ABCC3: variants seen among roughly 807,000 people sequenced by gnomAD.
ABCC3 encodes ATP-binding cassette sub-family C member 3.
In ABCC3, 121 loss-of-function variants were observed where a neutral mutation model predicts 165.3. The observed-to-expected ratio is 0.73, with a 90% CI of 0.63 to 0.85. ABCC3 has a LOEUF of 0.85. ABCC3 is among the 40% of genes least tolerant of loss of function. The probability of loss-of-function intolerance (pLI) is 0.00; values close to 1 mark genes in which losing one functional copy is unlikely to be tolerated. For synonymous variants in ABCC3, 733 were observed against 810.1 expected (o/e 0.90, Z 1.62); for missense variants, 1,869 against 1,964.1 (o/e 0.95, Z 0.92).
Position 50,660,939 on chromosome 17 carries a change from G to A in ABCC3, c.823G>A (p.Ala275Thr), listed in dbSNP as rs1967364267. ...KQTARHKASA[A>T]PGKNASGEDE... The stretch of plus-strand genomic sequence containing the variant: ...CTGGACCAGACACAAGGCTTCAGCA[G>A]CACCTGGGAAAAATGCCTCCGGCGA... Residue 275 changes from alanine to threonine, a missense_variant, in exon 8 of 31, where the codon GCA becomes ACA. Ala to Thr is a moderately conservative substitution (Grantham distance 58, BLOSUM62 0). Coordinates refer to ENST00000285238, the MANE Select transcript of ABCC3 (RefSeq NM_003786.4). The A allele has an allele frequency of 8.1e-6, 13 of 1,605,736 alleles. No homozygotes were observed. The highest frequency in any genetic ancestry group is 1.1e-5 in the Non-Finnish European group (13 of 1,176,184).
intron 1 of ABCC3, among the ~76,000 whole-genome samples, chr17:50,643,243 A>C (rs956384966): frequency 1.3e-5 from 2 of 152,236 alleles, no homozygotes; most frequent in African/African-American, 2.4e-5. Context: ...GGGACAGGCT[A>C]TCTGGATGGC....
chr17:50,684,818 T>C lies in ABCC3; in HGVS notation c.4223T>C (p.Val1408Ala). ...ALELSHLHTF[V>A]SSQPAGLDFQ... ...GAGCTGTCCCACCTGCACACGTTTG[T>C]GAGCTCCCAGCCGGCAGGCCTGGAC... Residue 1408 changes from valine to alanine, a missense_variant, in exon 29 of 31, where the codon GTG (valine) becomes GCG (alanine). By Grantham distance (64) the Val-to-Ala change is moderately conservative. Coordinates refer to ENST00000285238, the MANE Select transcript of ABCC3 (RefSeq NM_003786.4). 1 of 1,613,964 alleles carries C rather than the reference T, an allele frequency of 6.2e-7. No individual in the cohort carries two copies. The highest frequency in any genetic ancestry group is 8.5e-7 in the Non-Finnish European group (1 of 1,179,864).
At position 50,687,745 on chromosome 17, in the gene ABCC3, C is replaced by T; in HGVS notation, c.4475+15C>T. 3 of 1,608,760 alleles carry T rather than the reference C, an allele frequency of 1.9e-6. No individual in the cohort carries two copies. Among genetic ancestry groups the T allele is most frequent in the Non-Finnish European group, 1.7e-6 (2 of 1,175,444 alleles). ...GACTACACCAGGTGGGACACGGAAA[C>T]CTGAGCAATGGGGAACCTGGTGGGG... On this transcript the variant is annotated intron_variant, in intron 30 of 30. Transcript: ENST00000285238.
At position 50,673,073 on chromosome 17, in the gene ABCC3, G is replaced by T; in HGVS notation, c.2344G>T (p.Asp782Tyr). Reference sequence around the variant, plus strand: ...GCTGGATGACCCACTGTCCGCGGTGGACTCTCATGTGGCCAAGCACATCTT... The same window carrying T: ...GCTGGATGACCCACTGTCCGCGGTGTACTCTCATGTGGCCAAGCACATCTT... ...FLLDDPLSAV[D>Y]SHVAKHIFDH... Residue 782 changes from aspartate to tyrosine, a missense_variant, in exon 18 of 31, where the codon GAC becomes TAC. Transcript: ENST00000285238. 1.2e-6 allele frequency: 2 copies of T among 1,614,168 alleles called. No homozygotes were observed. The highest frequency in any genetic ancestry group is 1.6e-4 in the Middle Eastern group (1 of 6,062).
chr17:50,688,025 C>A lies in ABCC3; in HGVS notation c.4475+295C>A, dbSNP rs528314190. Among the ~76,000 whole-genome samples the A allele has an allele frequency of 1.5e-4, 23 of 151,762 alleles. No homozygotes were observed. The East Asian group carries it at 4.5e-3, about 29-fold the overall frequency. Reference sequence around the variant, plus strand: ...GCTGGAGTGCAGTGGCTCACTGCAGCCTCAGCCTCTCGAAGTACTGGGATT... The same window carrying A: ...GCTGGAGTGCAGTGGCTCACTGCAGACTCAGCCTCTCGAAGTACTGGGATT... On this transcript the variant is annotated intron_variant, in intron 30 of 30. Coordinates refer to ENST00000285238, the MANE Select transcript of ABCC3 (RefSeq NM_003786.4).
chr17:50,635,239 G>A (rs1159475165), intron 1 of ABCC3: 2 of 629,080 alleles, frequency 3.2e-6, no homozygotes, highest in Non-Finnish European at 5.7e-6. Context: ...GGAAAGTGAG[G>A]AAGAGTGCGC....
Position 50,676,070 on chromosome 17 carries a change from C to G in ABCC3, c.3047C>G (p.Ala1016Gly). Residue 1016 changes from alanine to glycine, a missense_variant, in exon 22 of 31, where the codon GCT (alanine) becomes GGT (glycine). By Grantham distance (60) the Ala-to-Gly change is moderately conservative (BLOSUM62 0). Coordinates refer to ENST00000285238, the MANE Select transcript of ABCC3 (RefSeq NM_003786.4). Reference sequence around the variant, plus strand: ...ACTTCCCTGAGGCTGGGCGTCTATGCTGCTTTAGGAATTCTGCAAGGTGAG... The same window carrying G: ...ACTTCCCTGAGGCTGGGCGTCTATGGTGCTTTAGGAATTCTGCAAGGTGAG... ...NNTSLRLGVY[A>G]ALGILQGFLV... The G allele has an allele frequency of 6.2e-7, 1 of 1,614,176 alleles. No homozygotes were observed. The highest frequency in any genetic ancestry group is 8.5e-7 in the Non-Finnish European group (1 of 1,180,036).
At position 50,669,518 on chromosome 17, in the gene ABCC3, T is replaced by C; in HGVS notation, c.2231T>C (p.Ile744Thr). 6.2e-7 allele frequency: 1 copy of C among 1,614,142 alleles called. No individual in the cohort carries two copies. Among genetic ancestry groups the C allele is most frequent in the Non-Finnish European group, 8.5e-7 (1 of 1,179,998 alleles). Reference protein sequence around the residue: ...EMLPGGDQTEIGEKGINLSGG... With the variant: ...EMLPGGDQTETGEKGINLSGG... ...CTGCCTGGTGGGGATCAGACAGAGA[T>C]TGGAGAGAAGGTACAGAGTCCTCTT... The change falls in exon 17 of 31, where the codon ATT (isoleucine) becomes ACT (threonine). Residue 744 changes from isoleucine to threonine, a missense_variant. Coordinates refer to ENST00000285238, the MANE Select transcript of ABCC3 (RefSeq NM_003786.4).
intron 11 of ABCC3, among the ~76,000 whole-genome samples, chr17:50,667,240 A>T (rs1310683516): frequency 6.6e-6 from 1 of 152,020 alleles, no homozygotes. Context: ...TAATACTAGC[A>T]ATAATAATAA....
intron 25 of ABCC3, chr17:50,679,343 T>C (rs1967887433): frequency 6.5e-6 from 1 of 153,162 alleles, no homozygotes. Context: ...AAATGTACAT[T>C]TTGATTCAGT....
Position 50,684,701 on chromosome 17 carries a change from A to G in ABCC3, c.4114-8A>G. The stretch of plus-strand genomic sequence containing the variant: ...CTGCCTCCCTCTGAGGCCACGTTGT[A>G]TCCCCAGGACCCCATCCTGTTCTCG... On this transcript the variant is annotated splice_polypyrimidine_tract_variant and splice_region_variant and intron_variant, in intron 28 of 30. Transcript: ENST00000285238. The G allele has an allele frequency of 1.2e-6, 2 of 1,612,026 alleles. No homozygotes were observed. The highest frequency in any genetic ancestry group is 1.7e-6 in the Non-Finnish European group (2 of 1,179,124).
Position 50,668,850 on chromosome 17 carries a change from C to G in ABCC3, c.1871-3C>G. On this transcript the variant is annotated splice_region_variant and splice_polypyrimidine_tract_variant and intron_variant, in intron 14 of 30. Transcript: ENST00000285238. ...CTGACCCTGCCCACCTTGGTCCTCT[C>G]AGGCTATGCCATCACCATACACAGT... 6.2e-7 allele frequency: 1 copy of G among 1,613,880 alleles called. No individual in the cohort carries two copies. The highest frequency in any genetic ancestry group is 8.5e-7 in the Non-Finnish European group (1 of 1,179,878).
chr17:50,673,246 A>G lies in ABCC3; in HGVS notation c.2409+108A>G, dbSNP rs539592825. The G allele has an allele frequency of 3.4e-4, 488 of 1,421,782 alleles. 1 individual carries two copies. The highest frequency in any genetic ancestry group is 6.3e-4 in the South Asian group (49 of 77,746). 88.1% of individuals were successfully genotyped at this position (1,421,782 alleles called of 1,614,324 possible). ...TGAGACTTGGAGGTGTGGGGGGCGCAAGAAGTGGGCATGTGGGTTGGGCAT... is the reference window on the plus strand; with the variant it reads ...TGAGACTTGGAGGTGTGGGGGGCGCGAGAAGTGGGCATGTGGGTTGGGCAT... On this transcript the variant is annotated intron_variant, in intron 18 of 30. Transcript: ENST00000285238.
At chr17:50,663,470 A>G (rs1328222019) in intron 8 of ABCC3, 5 of 599,156 alleles carry the variant, frequency 8.3e-6, no homozygotes, top group Non-Finnish European at 1.5e-5. Context: ...TCCATGGTGG[A>G]TAGAGAACGA....
chr17:50,650,056 TA>T, intron 1 of ABCC3, among the ~76,000 whole-genome samples: 1 of 152,228 alleles, frequency 6.6e-6, no homozygotes, highest in Non-Finnish European at 1.5e-5. Context: ...ATCAGACCAA[TA>T]ATCTAAGAAC....
intron 23 of ABCC3, among the ~76,000 whole-genome samples, chr17:50,676,893 G>GTT (rs1567837028): frequency 1.3e-5 from 2 of 150,760 alleles, no homozygotes; most frequent in African/African-American, 4.9e-5. Flanking sequence ...TTTTGGGGGG[G>GTT]GGGGGACGGA....
chr17:50,690,861 G>T (rs903184278), intron 30 of ABCC3, among the ~76,000 whole-genome samples: 1 of 152,232 alleles, frequency 6.6e-6, no homozygotes, highest in Non-Finnish European at 1.5e-5. Flanking sequence ...GCCCTGACTA[G>T]CAGAGATGAA....
Position 50,683,693 on chromosome 17 carries a change from C to G in ABCC3, c.3891C>G (p.Arg1297=). Residue 1297 remains arginine, a synonymous_variant, in exon 27 of 31, where the codon CGC becomes CGG. Transcript: ENST00000285238. The part of the protein sequence containing the change: ...GEVEFRNYSV[R]YRPGLDLVLR... ...TGGAGTTCCGGAATTATTCTGTGCG[C>G]TACCGGCCGGGCCTAGACCTGGTGC... is the stretch of plus-strand genomic sequence containing the variant. 1 of 1,608,644 alleles carries G rather than the reference C, an allele frequency of 6.2e-7. No homozygotes were observed. The highest frequency in any genetic ancestry group is 1.3e-5 in the African/African-American group (1 of 74,568).
At chr17:50,683,388 G>C (rs1967959463) in intron 26 of ABCC3, among the ~76,000 whole-genome samples, 1 of 150,780 alleles carries the variant, frequency 6.6e-6, no homozygotes, top group Admixed American at 6.6e-5. Context: ...CAAGCAGGGA[G>C]ACTGGGAGGG....
Sources: gnomAD v4.1 joint callset for allele counts (sites outside exome capture counted in the v4.1 genomes callset) on GRCh38, gnomAD v4.1.1 for gene constraint, MANE v1.5 for transcripts, NCBI Gene and HGNC (gene_info 2026-07-23, HGNC 2026-07-21) for gene names.